Variants in LIPC observed in about 807,000 individuals in gnomAD.
The protein encoded by LIPC is hepatic triacylglycerol lipase.
Under a neutral mutation model 50.7 loss-of-function variants are expected in LIPC, and 44 were observed. The ratio of observed to expected loss-of-function variants is 0.87; its 90% CI spans 0.68 to 1.11. LIPC has a LOEUF of 1.11. Ranked by LOEUF, LIPC falls within the 50% of genes most tolerant of loss-of-function variation. The pLI, the probability that LIPC is intolerant of heterozygous loss-of-function variation, is 0.00. For synonymous variants in LIPC, 271 were observed against 256.4 expected, an observed-to-expected ratio of 1.06 and a Z score of -0.54; for missense variants, 697 against 648.2, an observed-to-expected ratio of 1.08 and a Z score of -0.82.
intron 1 of LIPC, among the ~76,000 whole-genome samples, chr15:58,441,713 C>T (rs1248944037): frequency 6.6e-6 from 1 of 152,098 alleles, no homozygotes; most frequent in African/African-American, 2.4e-5. Flanking sequence ...AATGATTCGG[C>T]ATCATAATAA....
intron 1 of LIPC, 79 bp downstream of exon 1, chr15:58,432,199 C>CTT: frequency 9.2e-7 from 1 of 1,086,590 alleles, no homozygotes; most frequent in Non-Finnish European, 1.4e-6. Context: ...CCAGGGGTTT[C>CTT]TGACTGTATG....
At chr15:58,438,560 G>A (rs554056085) in intron 1 of LIPC, among the ~76,000 whole-genome samples, 34 of 152,302 alleles carry the variant, frequency 2.2e-4, no homozygotes, top group South Asian at 8.3e-4. Context: ...CAAGGGGGCC[G>A]AGCCTAGTCT....
chr15:58,524,718 G>A (rs901140600), intron 1 of LIPC, among the ~76,000 whole-genome samples: 5 of 152,246 alleles, frequency 3.3e-5, no homozygotes, highest in East Asian at 3.9e-4. Context: ...TCTGTGAAAC[G>A]GCTCCTCATG....
At chr15:58,509,403 T>C (rs1371376636) in intron 1 of LIPC, among the ~76,000 whole-genome samples, 1 of 152,240 alleles carries the variant, frequency 6.6e-6, no homozygotes, top group African/African-American at 2.4e-5. Context: ...ATTGGAATAC[T>C]GGAGCAACTA....
In LIPC at chr15:58,506,247, T is replaced by C. The variant is rs142120012; in HGVS notation, c.89-32086T>C. Among the ~76,000 whole-genome samples the C allele has an allele frequency of 5.6e-3, 856 of 152,250 alleles. 5 individuals carry two copies. Among genetic ancestry groups the C allele is most frequent in the African/African-American group, 0.02 (824 of 41,538 alleles). On this transcript the variant is annotated intron_variant, in intron 1 of 8. Transcript: ENST00000299022. ...CAGAAAGGAGACTTCTATGACACCC[T>C]TGGGGCAAGGGTGTTGTTTTGCTCC...
At chr15:58,554,627 G>A (rs1344796871) in intron 6 of LIPC, among the ~76,000 whole-genome samples, 1 of 151,526 alleles carries the variant, frequency 6.6e-6, no homozygotes, top group Non-Finnish European at 1.5e-5. Context: ...GGGTGTGGCG[G>A]CTCACACCTG....
intron 8 of LIPC, among the ~76,000 whole-genome samples, chr15:58,565,013 T>C (rs1035742088): frequency 4.6e-5 from 7 of 152,164 alleles, no homozygotes; most frequent in Non-Finnish European, 8.8e-5. Context: ...GTTTCTAACC[T>C]CTGAACTACC....
At chr15:58,527,579 C>A (rs1364018433) in intron 1 of LIPC, among the ~76,000 whole-genome samples, 3 of 152,334 alleles carry the variant, frequency 2.0e-5, no homozygotes, top group African/African-American at 4.8e-5. Context: ...ACACCAGCCA[C>A]CTTATGGCTG....
At chr15:58,533,034 T>G in intron 1 of LIPC, 1 of 392,534 alleles carries the variant, frequency 2.5e-6, no homozygotes, top group Non-Finnish European at 3.5e-6. Flanking sequence ...CATCAACCCC[T>G]TTTCCTGGAT....
chr15:58,521,652 T>C (rs1238068069), intron 1 of LIPC: 2 of 150,316 alleles, frequency 1.3e-5, no homozygotes, highest in South Asian at 2.1e-4. Flanking sequence ...CTACAGTGAG[T>C]TGCTGATAGT....
chr15:58,446,902 T>C (rs985000401), intron 1 of LIPC, among the ~76,000 whole-genome samples: 1 of 152,020 alleles, frequency 6.6e-6, no homozygotes, highest in Non-Finnish European at 1.5e-5. Context: ...ACCACAGCAC[T>C]TTGGGAGGCC....
chr15:58,541,493 CG>C (rs1269835111), intron 2 of LIPC, among the ~76,000 whole-genome samples: 2 of 114,354 alleles, frequency 1.7e-5, no homozygotes, highest in South Asian at 2.8e-4. Flanking sequence ...CGGGAGGGGG[CG>C]GGGGGGAACG....
chr15:58,543,763 A>G (rs1893422596), intron 4 of LIPC, among the ~76,000 whole-genome samples: 1 of 151,928 alleles, frequency 6.6e-6, no homozygotes, highest in South Asian at 2.1e-4. Flanking sequence ...TAGCCTCCCG[A>G]GTAGCTAAGC....
intron 1 of LIPC, among the ~76,000 whole-genome samples, chr15:58,445,432 T>G (rs895764569): frequency 1.1e-4 from 17 of 152,218 alleles, no homozygotes; most frequent in African/African-American, 4.1e-4. Context: ...CGGCTGCCAC[T>G]TTCTCATCAT....
chr15:58,528,005 G>A (rs557629807), intron 1 of LIPC, among the ~76,000 whole-genome samples: 32 of 152,112 alleles, frequency 2.1e-4, no homozygotes, highest in Non-Finnish European at 3.7e-4. Flanking sequence ...CCCCACCCAC[G>A]GTTTACTGCC....
chr15:58,500,221 G>C (rs769484911), intron 1 of LIPC, among the ~76,000 whole-genome samples: 1 of 152,156 alleles, frequency 6.6e-6, no homozygotes, highest in Non-Finnish European at 1.5e-5. Context: ...AAGCAGTAGT[G>C]TTACAGTGAT....
intron 1 of LIPC, among the ~76,000 whole-genome samples, chr15:58,492,813 A>G (rs954675551): frequency 3.9e-5 from 6 of 152,248 alleles, no homozygotes; most frequent in Admixed American, 2.6e-4. Context: ...ATGGAAATCC[A>G]TAAACAGGTG....
intron 1 of LIPC, among the ~76,000 whole-genome samples, chr15:58,459,427 G>A (rs1483855783): frequency 2.0e-5 from 3 of 147,116 alleles, no homozygotes; most frequent in Non-Finnish European, 3.0e-5. Context: ...GTCCCTTAGA[G>A]AGCTCACAAT....
intron 1 of LIPC, chr15:58,523,441 A>G (rs1259915609): frequency 6.6e-6 from 1 of 152,276 alleles, no homozygotes; most frequent in Non-Finnish European, 1.5e-5. Context: ...CTAGACAGAC[A>G]CGTAAGCCAA....
Sources: allele counts gnomAD v4.1 joint callset (sites outside exome capture counted in the v4.1 genomes callset), GRCh38; gene constraint gnomAD v4.1.1; transcripts MANE v1.5; gene names NCBI Gene and HGNC (gene_info 2026-07-23, HGNC 2026-07-21).